The following EPHB1 variants were observed in gnomAD, a reference collection of about 807,000 sequenced individuals.
EPHB1 encodes the protein EPH receptor B1, also known as ephrin type-B receptor 1.
Under a neutral mutation model 94.4 loss-of-function variants are expected in EPHB1, and 30 were observed. The observed-to-expected ratio is 0.32, with a 90% CI of 0.24 to 0.43. EPHB1 has a LOEUF of 0.43. EPHB1 is among the 20% of genes least tolerant of loss of function. EPHB1 has a pLI of 1.00. For synonymous variants in EPHB1, 522 were observed against 489.1 expected (o/e 1.07, Z -0.89); for missense variants, 1,055 against 1,308.3 (o/e 0.81, Z 2.99).
chr3:134,902,763 T>C (rs2038229095), intron 1 of EPHB1, among the ~76,000 whole-genome samples: 1 of 152,258 alleles, frequency 6.6e-6, no homozygotes, highest in African/African-American at 2.4e-5. Flanking sequence ...GTGTGGCTGA[T>C]GAAGAGCTAT....
chr3:135,184,777 G>T (rs1344079227), intron 10 of EPHB1, among the ~76,000 whole-genome samples: 1 of 152,224 alleles, frequency 6.6e-6, no homozygotes, highest in Non-Finnish European at 1.5e-5. Context: ...AGTAATTGAA[G>T]TATCTTCACA....
At position 135,192,793 on chromosome 3, in the gene EPHB1, G is replaced by A. The variant is rs1458439882; in HGVS notation, c.2100G>A (p.Met700Ile). Residue 700 changes from methionine to isoleucine, a missense_variant, in exon 11 of 16, where the codon ATG (methionine) becomes ATA (isoleucine). Physicochemically the swap from Met to Ile is conservative, Grantham distance 10. Coordinates refer to ENST00000398015, the MANE Select transcript of EPHB1 (RefSeq NM_004441.5). ...CTGTCATGATCATCACAGAGTTCAT[G>A]GAGAATGGTGCATTGGATTCTTTCC... The part of the protein sequence containing the change: ...SRPVMIITEF[M>I]ENGALDSFLR... 1.2e-6 allele frequency: 2 copies of A among 1,614,174 alleles called. No individual in the cohort carries two copies. The highest frequency in any genetic ancestry group is 1.7e-6 in the Non-Finnish European group (2 of 1,180,000).
intron 1 of EPHB1, among the ~76,000 whole-genome samples, chr3:134,893,198 A>C (rs576001328): frequency 2.8e-4 from 43 of 152,302 alleles, no homozygotes; most frequent in Admixed American, 2.3e-3. Context: ...AATTAGTTGC[A>C]TAATTAGCAA....
chr3:134,999,719 G>A lies in EPHB1; in HGVS notation c.805+47667G>A, dbSNP rs62273101. Among the ~76,000 whole-genome samples the A allele has an allele frequency of 8.0e-3, 1,211 of 152,290 alleles. 5 individuals carry two copies. The highest frequency in any genetic ancestry group is 0.014 in the Non-Finnish European group (942 of 68,008). Reference sequence around the variant, plus strand: ...CTGGCAGCTCCCAGGCCCAGGCTAGGAGCAGAAGAAGCTTGTAGACATGTT... The same window carrying A: ...CTGGCAGCTCCCAGGCCCAGGCTAGAAGCAGAAGAAGCTTGTAGACATGTT... On this transcript the variant is annotated intron_variant, in intron 3 of 15. Coordinates refer to ENST00000398015, the MANE Select transcript of EPHB1 (RefSeq NM_004441.5).
At chr3:135,233,961 G>C (rs1230948443) in intron 12 of EPHB1, among the ~76,000 whole-genome samples, 2 of 152,164 alleles carry the variant, frequency 1.3e-5, no homozygotes, top group East Asian at 3.9e-4. Flanking sequence ...ACCTGGACCT[G>C]GCCCAGGAAA....
At chr3:134,896,805 A>G (rs2038094546) in intron 1 of EPHB1, among the ~76,000 whole-genome samples, 1 of 152,242 alleles carries the variant, frequency 6.6e-6, no homozygotes, top group African/African-American at 2.4e-5. Context: ...CTGTATGCCG[A>G]CTGCGGCTAT....
At chr3:134,958,118 C>G (rs1358678272) in intron 3 of EPHB1, among the ~76,000 whole-genome samples, 1 of 152,086 alleles carries the variant, frequency 6.6e-6, no homozygotes, top group Non-Finnish European at 1.5e-5. Flanking sequence ...TAAAGAAAAC[C>G]TACATGTAAA....
chr3:134,968,954 C>A (rs187728484), intron 3 of EPHB1, among the ~76,000 whole-genome samples: 1 of 152,180 alleles, frequency 6.6e-6, no homozygotes, highest in Admixed American at 6.5e-5. Flanking sequence ...TGTATCCATT[C>A]GCTTGTTGAG....
chr3:135,218,375 A>G (rs1294958351), intron 12 of EPHB1, among the ~76,000 whole-genome samples: 2 of 152,220 alleles, frequency 1.3e-5, no homozygotes, highest in Admixed American at 6.5e-5. Context: ...AGTTAGGGAT[A>G]TCAGGCCCTG....
chr3:135,020,329 G>C (rs1275863557), intron 3 of EPHB1, among the ~76,000 whole-genome samples: 1 of 152,112 alleles, frequency 6.6e-6, no homozygotes, highest in African/African-American at 2.4e-5. Flanking sequence ...GGTTTTTAGT[G>C]TATTCATAGA....
chr3:135,244,087 C>T (rs1475421798), intron 13 of EPHB1, among the ~76,000 whole-genome samples: 1 of 152,152 alleles, frequency 6.6e-6, no homozygotes, highest in Non-Finnish European at 1.5e-5. Flanking sequence ...AGGGGCTCTG[C>T]CCACTTCCCA....
chr3:135,181,759 T>C (rs1341201177), intron 10 of EPHB1, among the ~76,000 whole-genome samples: 1 of 152,014 alleles, frequency 6.6e-6, no homozygotes, highest in African/African-American at 2.4e-5. Flanking sequence ...TGGGGTGAGT[T>C]CACCAGCTGC....
intron 1 of EPHB1, among the ~76,000 whole-genome samples, chr3:134,859,796 C>T (rs9825632): frequency 0.55 from 83,126 of 152,066 alleles, 25,586 homozygotes; most frequent in East Asian, 0.8. Context: ...TTTGACTCCT[C>T]TTCCATAAAT....
At chr3:135,189,461 A>T (rs1219597376) in intron 10 of EPHB1, among the ~76,000 whole-genome samples, 1 of 152,242 alleles carries the variant, frequency 6.6e-6, no homozygotes, top group Non-Finnish European at 1.5e-5. Flanking sequence ...TCAGAAGGAC[A>T]TGCACTTGGT....
chr3:135,151,525 T>G (rs1387144206), intron 5 of EPHB1, among the ~76,000 whole-genome samples: 1 of 152,196 alleles, frequency 6.6e-6, no homozygotes, highest in Non-Finnish European at 1.5e-5. Context: ...TTAATATATT[T>G]TAACACAGCT....
At chr3:134,892,051 A>G (rs528901130) in intron 1 of EPHB1, among the ~76,000 whole-genome samples, 1 of 152,282 alleles carries the variant, frequency 6.6e-6, no homozygotes, top group Admixed American at 6.5e-5. Flanking sequence ...TCCTCTCCAA[A>G]CTTTTGCTAC....
intron 12 of EPHB1, among the ~76,000 whole-genome samples, chr3:135,234,109 T>G (rs1943595651): frequency 6.6e-6 from 1 of 152,206 alleles, no homozygotes; most frequent in Admixed American, 6.5e-5. Flanking sequence ...GAAGATGGGT[T>G]TTTCTTTCCT....
chr3:135,094,744 G>A (rs1421170827), intron 3 of EPHB1, among the ~76,000 whole-genome samples: 1 of 152,144 alleles, frequency 6.6e-6, no homozygotes, highest in African/African-American at 2.4e-5. Flanking sequence ...CCCTCTGTTG[G>A]CTTAAAGCTA....
At chr3:134,812,385 GTT>G (rs2036195059) in intron 1 of EPHB1, among the ~76,000 whole-genome samples, 1 of 152,126 alleles carries the variant, frequency 6.6e-6, no homozygotes, top group Non-Finnish European at 1.5e-5. Flanking sequence ...CTCTTTATTT[GTT>G]TGACTTCTTT....
Sources: gnomAD v4.1 joint callset for allele counts (sites outside exome capture counted in the v4.1 genomes callset) on GRCh38, gnomAD v4.1.1 for gene constraint, MANE v1.5 for transcripts, NCBI Gene and HGNC (gene_info 2026-07-23, HGNC 2026-07-21) for gene names.